Variants in SELP observed in about 807,000 individuals in gnomAD.
SELP encodes selectin P, also known as P-selectin.
Under a neutral mutation model 104.1 loss-of-function variants are expected in SELP, and 92 were observed. The observed-to-expected ratio is 0.88, with a 90% CI of 0.75 to 1.05. The LOEUF is 1.05. Among genes scored for constraint, SELP ranks in the 50% least tolerant of loss-of-function variants. The pLI is 0.00. For missense variants in SELP, 1,022 were observed against 1,017.3 expected, an observed-to-expected ratio of 1.00 and a Z score of -0.06; for synonymous variants, 397 against 364.5, an observed-to-expected ratio of 1.09 and a Z score of -1.01.
At chr1:169,621,523 C>T (rs771985195) in intron 1 of SELP, among the ~76,000 whole-genome samples, 11 of 145,824 alleles carry the variant, frequency 7.5e-5, no homozygotes, top group East Asian at 6.2e-4. Flanking sequence ...GTATGTGTCA[C>T]GCCCAGTAGG....
intron 1 of SELP, among the ~76,000 whole-genome samples, chr1:169,626,612 T>C (rs1474638697): frequency 6.6e-6 from 1 of 152,204 alleles, no homozygotes; most frequent in East Asian, 1.9e-4. Flanking sequence ...GACCATATCT[T>C]GTGGGTCACA....
intron 5 of SELP, 57 bp from the exon 6 acceptor site, chr1:169,612,459 T>C: frequency 6.4e-7 from 1 of 1,557,244 alleles, no homozygotes; most frequent in South Asian, 1.1e-5. Flanking sequence ...GTCCATCACC[T>C]TGGAAGCCTT....
intron 3 of SELP, among the ~76,000 whole-genome samples, chr1:169,614,665 G>C (rs1163176947): frequency 6.6e-6 from 1 of 152,144 alleles, no homozygotes; most frequent in Non-Finnish European, 1.5e-5. Flanking sequence ...GTCATATGTG[G>C]ATATGCTGTG....
chr1:169,614,148 A>T (rs1438875215), intron 3 of SELP, among the ~76,000 whole-genome samples: 1 of 152,226 alleles, frequency 6.6e-6, no homozygotes, highest in African/African-American at 2.4e-5. Flanking sequence ...CCTACTTGCT[A>T]TGTGACCTTA....
chr1:169,626,765 G>T (rs1029745755), intron 1 of SELP, among the ~76,000 whole-genome samples: 2 of 152,124 alleles, frequency 1.3e-5, no homozygotes, highest in Non-Finnish European at 2.9e-5. Flanking sequence ...CATGATCTGG[G>T]TTCACTGAAA....
chr1:169,601,640 A>T (rs1281411823), intron 10 of SELP, among the ~76,000 whole-genome samples: 1 of 152,226 alleles, frequency 6.6e-6, no homozygotes, highest in Non-Finnish European at 1.5e-5. Flanking sequence ...CCTGAGATTC[A>T]GAAGCTCTGC....
intron 1 of SELP, among the ~76,000 whole-genome samples, chr1:169,620,294 T>C (rs1469857034): frequency 1.3e-5 from 2 of 152,082 alleles, no homozygotes; most frequent in Non-Finnish European, 2.9e-5. Context: ...ATGAAAATAC[T>C]GAAGCTTGGG....
At position 169,603,712 on chromosome 1, in the gene SELP, G is replaced by A. The variant is rs554632805; in HGVS notation, c.1520-501C>T. The stretch of plus-strand genomic sequence containing the variant: ...TTCCCAACCAAGTGGTGGAATCTGC[G>A]CCCAAATTTTGGCTCTGTTACTTGC... On this transcript the variant is annotated intron_variant, in intron 9 of 16. Transcript: ENST00000263686. Among the ~76,000 whole-genome samples, 9 of 152,212 alleles carry A rather than the reference G, an allele frequency of 5.9e-5. No homozygotes were observed. In the South Asian group the frequency reaches 8.3e-4, roughly 14 times the overall value.
rs552494183 is a variant in SELP, at chr1:169,600,717, G to C, written c.1705+2309C>G. ...CACCATGTGAAAATTGGGGTTCTAG[G>C]GGGCAGTGCTGAGGGTTAAAAATTA... On this transcript the variant is annotated intron_variant, in intron 10 of 16. Transcript: ENST00000263686. 3.3e-5 allele frequency among the ~76,000 whole-genome samples: 5 copies of C among 152,302 alleles called. No homozygotes were observed. The East Asian group carries it at 5.8e-4, about 18-fold the overall frequency.
intron 3 of SELP, among the ~76,000 whole-genome samples, chr1:169,614,940 C>G (rs986445598): frequency 2.6e-5 from 4 of 152,146 alleles, no homozygotes; most frequent in Non-Finnish European, 5.9e-5. Context: ...CCTGCCTGCC[C>G]TATGTTCTTG....
chr1:169,613,960 G>A (rs1662683658), intron 3 of SELP, among the ~76,000 whole-genome samples: 1 of 150,306 alleles, frequency 6.7e-6, no homozygotes, highest in Non-Finnish European at 1.5e-5. Flanking sequence ...AGGGACAAAT[G>A]GAGCCAATGA....
chr1:169,610,555 G>A (rs1375905655), intron 7 of SELP, among the ~76,000 whole-genome samples: 1 of 152,114 alleles, frequency 6.6e-6, no homozygotes, highest in Non-Finnish European at 1.5e-5. Context: ...CCAGCACTTT[G>A]AGAGGCTGAT....
In SELP at chr1:169,597,065, A is replaced by G; in HGVS notation, c.1817T>C (p.Phe606Ser). Residue 606 changes from phenylalanine to serine, a missense_variant, in exon 11 of 17, where the codon TTT becomes TCT. By Grantham distance (155) the Phe-to-Ser change is radical. Coordinates refer to ENST00000263686, the MANE Select transcript of SELP (RefSeq NM_003005.4). The stretch of plus-strand genomic sequence containing the variant: ...CACATTATTGGGCCCCTCCAGCTTA[A>G]AGCCGTTGTCACAAGAGAAATGGCA... ...STCHFSCDNG[F>S]KLEGPNNVEC... 1 of 1,613,424 alleles carries G rather than the reference A, an allele frequency of 6.2e-7. No individual in the cohort carries two copies. The highest frequency in any genetic ancestry group is 8.5e-7 in the Non-Finnish European group (1 of 1,179,646).
Position 169,612,417 on chromosome 1 carries a change from A to G in SELP, c.776-15T>C. On this transcript the variant is annotated splice_polypyrimidine_tract_variant and intron_variant, in intron 5 of 16. Coordinates refer to ENST00000263686, the MANE Select transcript of SELP (RefSeq NM_003005.4). ...GCACTGGGCAGCTAAAACCAACCAC[A>G]GAATAATAGTGTGAGTCCTTGGACA... 1 of 1,613,166 alleles carries G rather than the reference A, an allele frequency of 6.2e-7. No homozygotes were observed. Among genetic ancestry groups the G allele is most frequent in the Non-Finnish European group, 8.5e-7 (1 of 1,179,262 alleles).
At chr1:169,596,279 ACTAT>A (rs1376707781) in intron 11 of SELP, 145 bp from the exon 12 acceptor site, 6 of 702,306 alleles carry the variant, frequency 8.5e-6, no homozygotes, top group Non-Finnish European at 1.4e-5. Flanking sequence ...GTTAAGAAAA[ACTAT>A]CAGTGTCAGA....
In SELP at chr1:169,611,648, T is replaced by C. The variant is rs1203504200; in HGVS notation, c.991A>G (p.Ser331Gly). The C allele has an allele frequency of 1.2e-6, 2 of 1,614,000 alleles. No individual in the cohort carries two copies. The highest frequency in any genetic ancestry group is 3.3e-5 in the Admixed American group (2 of 60,004). Residue 331 changes from serine (S) to glycine (G), a missense_variant, in exon 7 of 17, where the codon AGT (serine) becomes GGT (glycine). Physicochemically the swap from Ser to Gly is moderately conservative, Grantham distance 56. Coordinates refer to ENST00000263686, the MANE Select transcript of SELP (RefSeq NM_003005.4). The part of the protein sequence containing the change: ...AVQCQHLEAP[S>G]EGTMDCVHPL... ...TGAACACAGTCCATGGTTCCTTCAC[T>C]GGGGGCTTCCAGGTGCTGACACTGC...
At chr1:169,603,566 G>T (rs938318256) in intron 9 of SELP, among the ~76,000 whole-genome samples, 2 of 152,114 alleles carry the variant, frequency 1.3e-5, no homozygotes, top group African/African-American at 4.8e-5. Flanking sequence ...GTTGCTTCTA[G>T]ACAGGGGTGG....
chr1:169,613,886 G>A (rs1006815204), intron 3 of SELP, among the ~76,000 whole-genome samples, 193 bp from the exon 4 acceptor site: 10 of 152,200 alleles, frequency 6.6e-5, no homozygotes, highest in African/African-American at 1.7e-4. Context: ...GGAGTATTGC[G>A]TGGCTCCCAT....
intron 2 of SELP, 105 bp from the exon 3 acceptor site, chr1:169,617,519 T>C: frequency 2.5e-6 from 3 of 1,183,972 alleles, no homozygotes; most frequent in Non-Finnish European, 3.6e-6. Context: ...GACCAGAACA[T>C]TAATACACAA....
Sources: gnomAD v4.1 joint callset for allele counts (sites outside exome capture counted in the v4.1 genomes callset) on GRCh38, gnomAD v4.1.1 for gene constraint, MANE v1.5 for transcripts, NCBI Gene and HGNC (gene_info 2026-07-23, HGNC 2026-07-21) for gene names.